Variants in CELSR1 observed in about 807,000 individuals in gnomAD.
CELSR1 encodes adhesion G protein-coupled receptor C1.
CELSR1 carries 110 observed loss-of-function variants against 249.1 expected under a neutral mutation model. The ratio of observed to expected loss-of-function variants is 0.44; its 90% CI spans 0.38 to 0.52. The LOEUF is 0.52. Ranked by LOEUF, CELSR1 falls within the 20% of genes least tolerant of loss-of-function variation. The pLI is 0.00. For synonymous variants in CELSR1, 2,113 were observed against 1,900.0 expected, an observed-to-expected ratio of 1.11 and a Z score of -2.92; for missense variants, 4,109 against 4,296.4, an observed-to-expected ratio of 0.96 and a Z score of 1.22.
At chr22:46,475,757 A>C (rs4823552) in intron 1 of CELSR1, among the ~76,000 whole-genome samples, 62,675 of 151,906 alleles carry the variant, frequency 0.41, 13,499 homozygotes, top group South Asian at 0.55. Context: ...AAAATCACAT[A>C]ATCTTCGATA....
At chr22:46,520,544 T>G (rs1237475781) in intron 1 of CELSR1, among the ~76,000 whole-genome samples, 1 of 152,090 alleles carries the variant, frequency 6.6e-6, no homozygotes, top group Non-Finnish European at 1.5e-5. Context: ...CACTGCAATC[T>G]CCTCCTCCCC....
In CELSR1 at chr22:46,536,900, G is replaced by C. The variant is rs1326991084; in HGVS notation, c.271C>G (p.Arg91Gly). ...GTCGGGGCACTGCGGGCCACCAAGCGGACTTGCAGCGGCAGCGGGCGCCCC... is the reference window on the plus strand; with the variant it reads ...GTCGGGGCACTGCGGGCCACCAAGCCGACTTGCAGCGGCAGCGGGCGCCCC... ...GAGRPLPLQV[R>G]LVARSAPTAL... Residue 91 changes from arginine to glycine, a missense_variant, in exon 1 of 35, where the codon CGC becomes GGC. Arg to Gly is a moderately radical substitution (Grantham distance 125, BLOSUM62 -2). Around this residue, in one of 7 missense-constraint regions of CELSR1, gnomAD observed 673 missense variants for 636.8 expected, o/e 1.06. Coordinates refer to ENST00000674500, the MANE Select transcript of CELSR1 (RefSeq NM_001378328.1). 2.2e-5 allele frequency: 26 copies of C among 1,205,206 alleles called. No homozygotes were observed. The highest frequency in any genetic ancestry group is 2.6e-5 in the Non-Finnish European group (25 of 968,508). The allele number at this position is 1,205,206 out of a possible 1,614,324, so 74.7% of individuals were successfully genotyped here.
At chr22:46,435,093 G>C (rs117360988) in intron 4 of CELSR1, among the ~76,000 whole-genome samples, 296 of 151,872 alleles carry the variant, frequency 1.9e-3, no homozygotes, top group Non-Finnish European at 2.7e-3. Context: ...CTAACAACTG[G>C]AATAACATGT....
At position 46,390,343 on chromosome 22, in the gene CELSR1, CGAACACACACGTGCCCCTGCT is replaced by C. The variant is rs748874400; in HGVS notation, c.6345+28_6345+48del. ...CCACACAAACTCTCTCACGCATACA[CGAACACACACGTGCCCCTGCT>C]GAACACACATCCCCGAGGCGCCCCT... On this transcript the variant is annotated intron_variant, in intron 17 of 34. Coordinates refer to ENST00000674500, the MANE Select transcript of CELSR1 (RefSeq NM_001378328.1). This position sits in a 1 kb window ranked among gnomAD's most constrained non-coding sequence, Gnocchi z 6.3. 6.9e-7 allele frequency: 1 copy of C among 1,451,298 alleles called. No homozygotes were observed. Among genetic ancestry groups the C allele is most frequent in the South Asian group, 1.2e-5 (1 of 82,712 alleles). 89.9% of individuals were successfully genotyped at this position (1,451,298 alleles called of 1,614,324 possible).
At chr22:46,487,147 A>G (rs1325883566) in intron 1 of CELSR1, among the ~76,000 whole-genome samples, 1 of 152,064 alleles carries the variant, frequency 6.6e-6, no homozygotes, top group Non-Finnish European at 1.5e-5. Context: ...GAGATGGAAG[A>G]GCTGACGCTA....
rs1373865143 is a variant in CELSR1 at position 46,427,110 on chromosome 22, C to CA, written c.4611+6282dup. Among the ~76,000 whole-genome samples the CA allele has an allele frequency of 2.0e-5, 3 of 151,828 alleles. No homozygotes were observed. The highest frequency in any genetic ancestry group is 4.4e-5 in the Non-Finnish European group (3 of 67,928). ...AAGTGTGTGTGCATGTATATATGTA[C>CA]ACACACACACACCTACACAGACGTC... On this transcript the variant is annotated intron_variant, in intron 5 of 34. Coordinates refer to ENST00000674500, the MANE Select transcript of CELSR1 (RefSeq NM_001378328.1). This position sits in a 1 kb window ranked among gnomAD's most constrained non-coding sequence, Gnocchi z 4.2.
intron 22 of CELSR1, among the ~76,000 whole-genome samples, chr22:46,379,348 A>G (rs1379648944): frequency 1.3e-5 from 2 of 151,800 alleles, no homozygotes; most frequent in Non-Finnish European, 2.9e-5. Context: ...GACTCTGGGA[A>G]AAATCACATA....
Position 46,398,719 on chromosome 22 carries a change from A to G in CELSR1, c.5413-82T>C. On this transcript the variant is annotated intron_variant, in intron 10 of 34. Coordinates refer to ENST00000674500, the MANE Select transcript of CELSR1 (RefSeq NM_001378328.1). This position sits in a 1 kb window ranked among gnomAD's most constrained non-coding sequence, Gnocchi z 7.2. Reference sequence around the variant, plus strand: ...CTCTCAGATGGGAAGGATACACTGGAAGTCTAAACAGTCACTTCAACAAAC... The same window carrying G: ...CTCTCAGATGGGAAGGATACACTGGGAGTCTAAACAGTCACTTCAACAAAC... 1 of 1,090,828 alleles carries G rather than the reference A, an allele frequency of 9.2e-7. No homozygotes were observed. The highest frequency in any genetic ancestry group is 1.3e-6 in the Non-Finnish European group (1 of 750,986). 67.6% of individuals were successfully genotyped at this position (1,090,828 alleles called of 1,614,324 possible).
intron 1 of CELSR1, among the ~76,000 whole-genome samples, chr22:46,510,686 T>C (rs1397878716): frequency 6.6e-6 from 1 of 152,206 alleles, no homozygotes; most frequent in African/African-American, 2.4e-5. Flanking sequence ...GTGTTTTCCT[T>C]TCTCCTTTAT....
At chr22:46,426,633 T>C (rs1293498646) in intron 5 of CELSR1, among the ~76,000 whole-genome samples, 1 of 152,186 alleles carries the variant, frequency 6.6e-6, no homozygotes, top group Non-Finnish European at 1.5e-5. Flanking sequence ...TGCTATGGTC[T>C]GAAGTGTCCC....
At chr22:46,415,810 A>G (rs2079393191) in intron 5 of CELSR1, among the ~76,000 whole-genome samples, 1 of 152,194 alleles carries the variant, frequency 6.6e-6, no homozygotes, top group South Asian at 2.1e-4. Flanking sequence ...AACATTCTCC[A>G]GGAGGGGTCG....
chr22:46,404,927 T>C (rs2079249246), intron 9 of CELSR1, among the ~76,000 whole-genome samples: 1 of 152,012 alleles, frequency 6.6e-6, no homozygotes. Context: ...TGAGTTCGAG[T>C]GATTCTCCTG....
In CELSR1 at chr22:46,429,060, C is replaced by T. The variant is rs1395715874; in HGVS notation, c.4611+4333G>A. ...CAAGGTGGGGTCTAAACGTGATCCC[C>T]GCAGGCAGCCTCAGGGAAGCACAGT... On this transcript the variant is annotated intron_variant, in intron 5 of 34. Coordinates refer to ENST00000674500, the MANE Select transcript of CELSR1 (RefSeq NM_001378328.1). The surrounding 1 kb of genome is among the most constrained non-coding windows in gnomAD (Gnocchi z 4.1). 1.3e-5 allele frequency among the ~76,000 whole-genome samples: 2 copies of T among 152,124 alleles called. No homozygotes were observed. Among genetic ancestry groups the T allele is most frequent in the East Asian group, 1.9e-4 (1 of 5,184 alleles).
intron 1 of CELSR1, among the ~76,000 whole-genome samples, chr22:46,477,408 A>T (rs758547695): frequency 6.6e-5 from 10 of 152,196 alleles, no homozygotes; most frequent in Non-Finnish European, 1.2e-4. Flanking sequence ...CAGGAATCCA[A>T]ACGTCTGACC....
chr22:46,361,589 A>G lies in CELSR1; in HGVS notation c.*1634T>C, dbSNP rs1237987081. The G allele has an allele frequency of 6.6e-6, 1 of 152,254 alleles. No individual in the cohort carries two copies. The highest frequency in any genetic ancestry group is 1.5e-5 in the Non-Finnish European group (1 of 68,044). 9.4% of individuals were successfully genotyped at this position (152,254 alleles called of 1,614,324 possible). On this transcript the variant is annotated 3_prime_UTR_variant, in exon 35 of 35. Coordinates refer to ENST00000674500, the MANE Select transcript of CELSR1 (RefSeq NM_001378328.1). ...ACCACTCACCTGGTAAGGCACATGT[A>G]TAATTCATTCAGGTGTGAGGACTCT...
intron 1 of CELSR1, among the ~76,000 whole-genome samples, chr22:46,497,089 T>C (rs1189305639): frequency 1.3e-5 from 2 of 152,172 alleles, no homozygotes; most frequent in African/African-American, 4.8e-5. Context: ...GACACTATCA[T>C]GGCTGTGACT....
chr22:46,365,066 G>T (rs1289084367), intron 32 of CELSR1, among the ~76,000 whole-genome samples, 165 bp downstream of exon 32: 1 of 152,204 alleles, frequency 6.6e-6, no homozygotes, highest in Non-Finnish European at 1.5e-5. Flanking sequence ...CCCTCCAGAG[G>T]CTGTGGGGGA....
In CELSR1 at chr22:46,389,508, G is replaced by A; in HGVS notation, c.6346-9C>T. The A allele has an allele frequency of 6.2e-7, 1 of 1,612,942 alleles. No individual in the cohort carries two copies. The highest frequency in any genetic ancestry group is 1.7e-5 in the Admixed American group (1 of 60,022). ...CGGCTCAGCTTCTCATTCTGGAACA[G>A]GGAGGCAGTCGTGATGTGTGCAAAC... On this transcript the variant is annotated splice_polypyrimidine_tract_variant and intron_variant, in intron 17 of 34. Transcript: ENST00000674500.
chr22:46,444,034 C>A (rs544849035), intron 2 of CELSR1, among the ~76,000 whole-genome samples: 78 of 152,352 alleles, frequency 5.1e-4, no homozygotes, highest in Non-Finnish European at 1.1e-3. Context: ...CCAGCCCTGC[C>A]CTTCCCACAG....
Sources: allele counts gnomAD v4.1 joint callset (sites outside exome capture counted in the v4.1 genomes callset), GRCh38; gene constraint gnomAD v4.1.1; regional missense constraint gnomAD v4.1.1; non-coding constraint Gnocchi (gnomAD v3.1); transcripts MANE v1.5; gene names NCBI Gene and HGNC (gene_info 2026-07-23, HGNC 2026-07-21).